SLC26A3: variants seen among roughly 807,000 people sequenced by gnomAD.
SLC26A3 encodes the protein chloride anion exchanger.
In SLC26A3, 64 loss-of-function variants were observed where a neutral mutation model predicts 85.6. The observed-to-expected ratio is 0.75, with a 90% CI of 0.61 to 0.92. The LOEUF (loss-of-function observed/expected upper bound fraction) is 0.92, where lower values mean the gene tolerates loss of function less well. Among genes scored for constraint, SLC26A3 ranks in the 40% least tolerant of loss-of-function variants. SLC26A3 has a pLI of 0.00. For missense variants in SLC26A3, 922 were observed against 927.3 expected (o/e 0.99, Z 0.07); for synonymous variants, 349 against 336.0 (o/e 1.04, Z -0.42).
At position 107,772,012 on chromosome 7, in the gene SLC26A3, G is replaced by A. The variant is rs757335489; in HGVS notation, c.2062+42C>T. The A allele has an allele frequency of 3.6e-6, 5 of 1,371,152 alleles. No homozygotes were observed. The African/African-American group carries it at 7.1e-5, about 20-fold the overall frequency. The allele number at this position is 1,371,152 out of a possible 1,614,324, so 84.9% of individuals were successfully genotyped here. ...TAGACTGAGAGTTGGCAGTGAGCCT[G>A]AAGTGATTGTCAGAACATAAAACAA... On this transcript the variant is annotated intron_variant, in intron 18 of 20. Transcript: ENST00000340010.
Position 107,789,606 on chromosome 7 carries a change from G to C in SLC26A3, c.653C>G (p.Ala218Gly), listed in dbSNP as rs928558284. ...SLISGFTTAA[A>G]VHVLVSQLKF... is the part of the protein sequence containing the mutation. ...GAGTTGGGAAACCAAAACATGAACA[G>C]CAGCAGCAGTAGTGAAGCCACTGAT... The change falls in exon 6 of 21, where the codon GCT becomes GGT. Residue 218 changes from alanine to glycine, a missense_variant. Coordinates refer to ENST00000340010, the MANE Select transcript of SLC26A3 (RefSeq NM_000111.3). 26 of 1,612,674 alleles carry C rather than the reference G, an allele frequency of 1.6e-5. No homozygotes were observed. The highest frequency in any genetic ancestry group is 2.1e-5 in the Non-Finnish European group (25 of 1,178,720).
intron 20 of SLC26A3, 148 bp downstream of exon 20, chr7:107,767,431 T>G: frequency 1.5e-6 from 1 of 682,732 alleles, no homozygotes; most frequent in Non-Finnish European, 2.6e-6. Flanking sequence ...TGAGATTGGT[T>G]AGCATTGCTT....
rs1398142651 is a variant in SLC26A3, at chr7:107,774,121, T to A, written c.1806A>T (p.Lys602Asn). Residue 602 changes from lysine (K) to asparagine (N), a missense_variant, in exon 17 of 21, where the codon AAA (lysine) becomes AAT (asparagine). Lys to Asn is a moderately conservative substitution (Grantham distance 94). Transcript: ENST00000340010. Reference sequence around the variant, plus strand: ...TGTTGTCCAGCTCTTCGTCAGAATCTTTTATGGTGTCAACAGTACATATAA... The same window carrying A: ...TGTTGTCCAGCTCTTCGTCAGAATCATTTATGGTGTCAACAGTACATATAA... ...KGFICTVDTI[K>N]DSDEELDNNQ... 1 of 1,614,066 alleles carries A rather than the reference T, an allele frequency of 6.2e-7. No individual in the cohort carries two copies. The highest frequency in any genetic ancestry group is 1.7e-5 in the Admixed American group (1 of 60,024).
intron 1 of SLC26A3, among the ~76,000 whole-genome samples, chr7:107,802,832 T>A (rs1184500812): frequency 1.3e-5 from 2 of 149,532 alleles, no homozygotes; most frequent in Non-Finnish European, 3.0e-5. Flanking sequence ...ATTATCTGAA[T>A]AATTAAAACA....
At position 107,786,901 on chromosome 7, in the gene SLC26A3, A is replaced by G. The variant is rs982510572; in HGVS notation, c.897T>C (p.Ile299=). Reference sequence around the variant, plus strand: ...CACAGCCGTAGGATACACCTGCTGCAATCACGGTCTGCAAAGTTGCAAATG... The same window carrying G: ...CACAGCCGTAGGATACACCTGCTGCGATCACGGTCTGCAAAGTTGCAAATG... The part of the protein sequence containing the change: ...PIPIEFIMTV[I]AAGVSYGCDF... The change falls in exon 8 of 21, where the codon ATT becomes ATC. Residue 299 remains isoleucine (I), a synonymous_variant. Transcript: ENST00000340010. The G allele has an allele frequency of 5.0e-6, 8 of 1,613,890 alleles. No individual in the cohort carries two copies. The Admixed American group carries it at 5.0e-5, about 10-fold the overall frequency.
chr7:107,791,526 C>T (rs1191989322), intron 4 of SLC26A3, among the ~76,000 whole-genome samples: 6 of 152,090 alleles, frequency 3.9e-5, no homozygotes, highest in Non-Finnish European at 5.9e-5. Context: ...GCAGGAGAAT[C>T]GCTTGAACCT....
chr7:107,800,038 A>G (rs903526910), intron 1 of SLC26A3, among the ~76,000 whole-genome samples: 1 of 152,204 alleles, frequency 6.6e-6, no homozygotes, highest in Admixed American at 6.5e-5. Context: ...AAGGTCCTTC[A>G]TGTTTTGGCT....
intron 5 of SLC26A3, among the ~76,000 whole-genome samples, chr7:107,790,089 GC>G (rs1794367070): frequency 3.9e-5 from 6 of 152,202 alleles, no homozygotes; most frequent in Admixed American, 3.3e-4. Context: ...AGCTGCTGGA[GC>G]ACGCATGAGC....
chr7:107,785,862 C>A (rs1396759000), intron 8 of SLC26A3, among the ~76,000 whole-genome samples: 1 of 151,974 alleles, frequency 6.6e-6, no homozygotes, highest in East Asian at 1.9e-4. Flanking sequence ...TCAAATATTT[C>A]TTAAGCATAG....
At position 107,772,126 on chromosome 7, in the gene SLC26A3, AT is replaced by A. The variant is rs749838624; in HGVS notation, c.2008-19del. On this transcript the variant is annotated intron_variant, in intron 17 of 20. Coordinates refer to ENST00000340010, the MANE Select transcript of SLC26A3 (RefSeq NM_000111.3). ...TGCAAAATCTGTTAAAAAGAAAAGT[AT>A]ATCTTCCTTAGGGAACAGTTTCACT... 2.0e-6 allele frequency: 3 copies of A among 1,476,636 alleles called. No individual in the cohort carries two copies. Among genetic ancestry groups the A allele is most frequent in the Non-Finnish European group, 2.8e-6 (3 of 1,055,268 alleles). The allele number at this position is 1,476,636 out of a possible 1,614,324, so 91.5% of individuals were successfully genotyped here. A position where few individuals can be genotyped will look rare whatever the true frequency, so the allele number is the denominator to read the frequency against.
intron 6 of SLC26A3, among the ~76,000 whole-genome samples, chr7:107,789,120 T>A (rs1243898007): frequency 1.8e-5 from 1 of 54,756 alleles, no homozygotes; most frequent in East Asian, 4.7e-4. Flanking sequence ...TTTCTTTTTC[T>A]TTTTTTTTTT....
chr7:107,787,184 A>C (rs764036578), intron 7 of SLC26A3, among the ~76,000 whole-genome samples, 173 bp downstream of exon 7: 1 of 152,338 alleles, frequency 6.6e-6, no homozygotes, highest in South Asian at 2.1e-4. Flanking sequence ...ACTCAAAATC[A>C]TAAGAGGAAG....
intron 1 of SLC26A3, among the ~76,000 whole-genome samples, chr7:107,802,001 A>G (rs936375066): frequency 6.6e-6 from 1 of 151,272 alleles, no homozygotes; most frequent in African/African-American, 2.4e-5. Flanking sequence ...CTGAGGCAGG[A>G]TAATCACTTG....
chr7:107,777,568 C>T (rs1020950135), intron 13 of SLC26A3, among the ~76,000 whole-genome samples: 3 of 151,760 alleles, frequency 2.0e-5, no homozygotes, highest in Non-Finnish European at 4.4e-5. Context: ...CCGGCCTGGG[C>T]GACAAGAGCG....
At chr7:107,774,622 C>T (rs561516822) in intron 16 of SLC26A3, among the ~76,000 whole-genome samples, 155 bp downstream of exon 16, 59 of 152,276 alleles carry the variant, frequency 3.9e-4, no homozygotes, top group Non-Finnish European at 5.0e-4. Context: ...TTTAGGGAGA[C>T]CCTCAGAAGG....
chr7:107,774,036 A>G lies in SLC26A3; in HGVS notation c.1891T>C (p.Trp631Arg). Reference protein sequence around the residue: ...NTTDLPFHIDWNDDLPLNIEV... With the variant: ...NTTDLPFHIDRNDDLPLNIEV... ...ATGTTGAGAGGAAGATCATCATTCC[A>G]GTCAATGTGGAAAGGCAGGTCTGTG... Residue 631 changes from tryptophan to arginine, a missense_variant, in exon 17 of 21, where the codon TGG (tryptophan) becomes CGG (arginine). Physicochemically the swap from Trp to Arg is moderately radical, Grantham distance 101. Coordinates refer to ENST00000340010, the MANE Select transcript of SLC26A3 (RefSeq NM_000111.3). 1 of 1,614,142 alleles carries G rather than the reference A, an allele frequency of 6.2e-7. No individual in the cohort carries two copies. Among genetic ancestry groups the G allele is most frequent in the South Asian group, 1.1e-5 (1 of 91,086 alleles).
Position 107,778,237 on chromosome 7 carries a change from G to T in SLC26A3, c.1452C>A (p.Leu484=). 6.2e-7 allele frequency: 1 copy of T among 1,613,922 alleles called. No individual in the cohort carries two copies. Among genetic ancestry groups the T allele is most frequent in the Non-Finnish European group, 8.5e-7 (1 of 1,179,912 alleles). The change falls in exon 13 of 21, where the codon CTC becomes CTA. Residue 484 remains leucine, a synonymous_variant. Transcript: ENST00000340010. Reference sequence around the variant, plus strand: ...CCACACTAGCTGCCAGGCCTAACCCGAGTCCCAGGACAATGGTGAAGATGA... The same window carrying T: ...CCACACTAGCTGCCAGGCCTAACCCTAGTCCCAGGACAATGGTGAAGATGA... ...MTFIFTIVLG[L]GLGLAASVAF... is the part of the protein sequence containing the mutation.
chr7:107,800,889 C>A (rs949401164), intron 1 of SLC26A3, among the ~76,000 whole-genome samples: 1 of 152,182 alleles, frequency 6.6e-6, no homozygotes, highest in Non-Finnish European at 1.5e-5. Flanking sequence ...GATGACAAAG[C>A]AGTGGGCAAT....
chr7:107,786,906 C>T lies in SLC26A3; in HGVS notation c.892G>A (p.Val298Met), dbSNP rs752002517. 23 of 1,613,670 alleles carry T rather than the reference C, an allele frequency of 1.4e-5. No individual in the cohort carries two copies. The highest frequency in any genetic ancestry group is 1.9e-5 in the Non-Finnish European group (22 of 1,179,872). The change falls in exon 8 of 21, where the codon GTG (valine) becomes ATG (methionine). Residue 298 changes from valine (V) to methionine (M), a missense_variant. Coordinates refer to ENST00000340010, the MANE Select transcript of SLC26A3 (RefSeq NM_000111.3). ...VPIPIEFIMT[V>M]IAAGVSYGCD... The stretch of plus-strand genomic sequence containing the variant: ...CCGTAGGATACACCTGCTGCAATCA[C>T]GGTCTGCAAAGTTGCAAATGGCCCA...
Sources: allele counts gnomAD v4.1 joint callset (sites outside exome capture counted in the v4.1 genomes callset), GRCh38; gene constraint gnomAD v4.1.1; transcripts MANE v1.5; gene names NCBI Gene and HGNC (gene_info 2026-07-23, HGNC 2026-07-21).